TTK: variants seen among roughly 807,000 people sequenced by gnomAD.
TTK encodes the protein dual specificity protein kinase TTK.
TTK carries 59 observed loss-of-function variants against 117.3 expected under a neutral mutation model. The observed-to-expected ratio is 0.50, with a 90% CI of 0.41 to 0.62. TTK has a LOEUF of 0.62. Among genes scored for constraint, TTK ranks in the 20% least tolerant of loss-of-function variants. The pLI, the probability that TTK is intolerant of heterozygous loss-of-function variation, is 0.00. For missense variants in TTK, 921 were observed against 989.4 expected (o/e 0.93, Z 0.93); for synonymous variants, 302 against 325.0 (o/e 0.93, Z 0.76).
intron 13 of TTK, among the ~76,000 whole-genome samples, chr6:80,031,214 A>C (rs2127680498): frequency 6.6e-6 from 1 of 151,824 alleles, no homozygotes; most frequent in Middle Eastern, 3.4e-3. Flanking sequence ...TTGCATATTA[A>C]GTGGTTTTTT....
chr6:80,030,904 G>T (rs957167227), intron 13 of TTK, among the ~76,000 whole-genome samples: 15 of 152,006 alleles, frequency 9.9e-5, no homozygotes, highest in African/African-American at 3.6e-4. Context: ...AGATATAGCC[G>T]GATGGTAGTG....
intron 4 of TTK, 57 bp downstream of exon 4, chr6:80,008,549 C>T: frequency 9.0e-6 from 13 of 1,440,958 alleles, no homozygotes; most frequent in South Asian, 2.5e-5. Context: ...TTACAACTTA[C>T]TTCCTAATAT....
chr6:80,026,512 C>T lies in TTK; in HGVS notation c.1392C>T (p.Ser464=). The T allele has an allele frequency of 6.2e-7, 1 of 1,613,426 alleles. No homozygotes were observed. The highest frequency in any genetic ancestry group is 8.5e-7 in the Non-Finnish European group (1 of 1,179,734). Residue 464 remains serine (S), a splice_region_variant and synonymous_variant, in exon 12 of 22, where the codon AGC becomes AGT. Coordinates refer to ENST00000369798, the MANE Select transcript of TTK (RefSeq NM_003318.5). ...GCAATACCTTGGATGATTACATGAG[C>T]TGGTAATTACTTTGGCCCCTTGCTT... ...PSSNTLDDYM[S]CFRTPVVKND... is the part of the protein sequence containing the mutation.
At chr6:80,023,463 G>A (rs902767244) in intron 11 of TTK, among the ~76,000 whole-genome samples, 3 of 151,924 alleles carry the variant, frequency 2.0e-5, no homozygotes, top group African/African-American at 4.8e-5. Flanking sequence ...TGTGGTGGTG[G>A]GCGCCTGTAG....
intron 10 of TTK, among the ~76,000 whole-genome samples, chr6:80,017,531 A>G (rs1473716488): frequency 6.6e-6 from 1 of 152,138 alleles, no homozygotes; most frequent in Non-Finnish European, 1.5e-5. Flanking sequence ...TGCCCACCTC[A>G]GCTTCCCAAA....
chr6:80,039,038 C>T (rs1027983803), intron 18 of TTK, among the ~76,000 whole-genome samples: 1 of 152,024 alleles, frequency 6.6e-6, no homozygotes, highest in Non-Finnish European at 1.5e-5. Context: ...AACACATCTT[C>T]AAGATATGTT....
At chr6:80,010,739 T>G in intron 4 of TTK, 75 bp from the exon 5 acceptor site, 1 of 1,430,038 alleles carries the variant, frequency 7.0e-7, no homozygotes, top group Non-Finnish European at 9.4e-7. Flanking sequence ...TAGGTCCTGA[T>G]GAATACGTAT....
chr6:80,011,633 A>T, intron 6 of TTK, 85 bp downstream of exon 6: 2 of 1,536,818 alleles, frequency 1.3e-6, no homozygotes, highest in Admixed American at 1.7e-5. Context: ...GTATCTGCAT[A>T]TATGTTTTCA....
chr6:80,014,249 A>T (rs377351291), intron 9 of TTK, among the ~76,000 whole-genome samples: 1 of 152,132 alleles, frequency 6.6e-6, no homozygotes, highest in Non-Finnish European at 1.5e-5. Flanking sequence ...ACTGAAAGCA[A>T]ATTGGCCAGA....
chr6:80,027,379 A>G (rs937456930), intron 12 of TTK, among the ~76,000 whole-genome samples: 5 of 152,212 alleles, frequency 3.3e-5, no homozygotes, highest in African/African-American at 1.2e-4. Flanking sequence ...GTTAACAAAT[A>G]TTTGTGGAGC....
chr6:80,014,598 A>C lies in TTK; in HGVS notation c.1108+12A>C, dbSNP rs760810678. ...AGCTAAATTAGAAGGTAAGAGTAAC[A>C]AAATCAGTAGACTTGTATGTTTAGT... On this transcript the variant is annotated intron_variant, in intron 10 of 21. Transcript: ENST00000369798. The C allele has an allele frequency of 3.8e-6, 6 of 1,585,154 alleles. No individual in the cohort carries two copies. Among genetic ancestry groups the C allele is most frequent in the Non-Finnish European group, 5.1e-6 (6 of 1,169,046 alleles).
intron 4 of TTK, among the ~76,000 whole-genome samples, chr6:80,008,929 CTGTGTGTGTGTGTGTGTGTGTGTG>C (rs3049166): frequency 0.011 from 1,614 of 142,410 alleles, 23 homozygotes; most frequent in Non-Finnish European, 0.013. Context: ...AACTATATAT[CTGTGTGTGTGTGTGTGTGTGTGTG>C]TGTGTGTGTG....
At chr6:80,004,746 T>C (rs953647442) in intron 1 of TTK, 33 bp downstream of exon 1, 1 of 150,622 alleles carries the variant, frequency 6.6e-6, no homozygotes, top group Non-Finnish European at 1.5e-5. Context: ...ACCGGCGCAC[T>C]GAGGAACAGC....
intron 3 of TTK, 37 bp from the exon 4 acceptor site, chr6:80,008,349 C>G: frequency 3.8e-6 from 6 of 1,579,978 alleles, no homozygotes; most frequent in Non-Finnish European, 5.2e-6. Context: ...TAGCTATGTT[C>G]TTTTTCTTAA....
intron 10 of TTK, among the ~76,000 whole-genome samples, chr6:80,020,612 C>G (rs75423425): frequency 6.6e-6 from 1 of 152,122 alleles, no homozygotes; most frequent in Non-Finnish European, 1.5e-5. Flanking sequence ...TGCAGAAAAA[C>G]GGGCCATAAT....
intron 11 of TTK, 103 bp downstream of exon 11, chr6:80,022,575 T>G: frequency 2.4e-6 from 3 of 1,234,648 alleles, no homozygotes; most frequent in African/African-American, 1.5e-5. Flanking sequence ...GTGTATGATA[T>G]TTAGTAGAAT....
chr6:80,029,284 T>C (rs1767692666), intron 13 of TTK, among the ~76,000 whole-genome samples: 1 of 152,200 alleles, frequency 6.6e-6, no homozygotes, highest in Non-Finnish European at 1.5e-5. Context: ...TTAATGCCAC[T>C]GAATTGTACC....
chr6:80,018,381 C>T (rs543072174), intron 10 of TTK, among the ~76,000 whole-genome samples: 8 of 151,282 alleles, frequency 5.3e-5, no homozygotes, highest in Non-Finnish European at 8.8e-5. Context: ...TTTGGGAGGC[C>T]GAGGCAGGCA....
Position 80,011,792 on chromosome 6 carries a change from A to G in TTK, c.792A>G (p.Lys264=), listed in dbSNP as rs1767165005. 1.2e-6 allele frequency: 2 copies of G among 1,612,776 alleles called. No homozygotes were observed. The highest frequency in any genetic ancestry group is 1.1e-5 in the South Asian group (1 of 91,032). ...GYRNSLRQTN[K]TKQSCPFGRV... is the part of the protein sequence containing the mutation. The stretch of plus-strand genomic sequence containing the variant: ...GGAATTCATTGAGACAAACTAACAA[A>G]ACTAAACAGGTAAGTTACTTTCAAT... Residue 264 remains lysine, a synonymous_variant, in exon 7 of 22, where the codon AAA becomes AAG. Coordinates refer to ENST00000369798, the MANE Select transcript of TTK (RefSeq NM_003318.5).
Sources: gnomAD v4.1 joint callset for allele counts (sites outside exome capture counted in the v4.1 genomes callset) on GRCh38, gnomAD v4.1.1 for gene constraint, MANE v1.5 for transcripts, NCBI Gene and HGNC (gene_info 2026-07-23, HGNC 2026-07-21) for gene names.